MLIP: variants seen among roughly 807,000 people sequenced by gnomAD.
The protein encoded by MLIP is muscular LMNA-interacting protein.
MLIP carries 79 observed loss-of-function variants against 84.8 expected under a neutral mutation model. The ratio of observed to expected loss-of-function variants is 0.93; its 90% CI spans 0.78 to 1.12. The LOEUF (loss-of-function observed/expected upper bound fraction) is 1.12. Ranked by LOEUF, MLIP falls within the 50% of genes most tolerant of loss-of-function variation. The probability of loss-of-function intolerance (pLI) is 0.00; values close to 1 mark genes in which losing one functional copy is unlikely to be tolerated. For synonymous variants in MLIP, 504 were observed against 463.0 expected (o/e 1.09, Z -1.14); for missense variants, 1,257 against 1,160.6 (o/e 1.08, Z -1.21).
intron 1 of MLIP, among the ~76,000 whole-genome samples, chr6:54,039,227 G>A (rs1764609898): frequency 6.6e-6 from 1 of 151,856 alleles, no homozygotes; most frequent in South Asian, 2.1e-4. Flanking sequence ...TTTCATCTTG[G>A]TTTCCTGGGT....
intron 1 of MLIP, among the ~76,000 whole-genome samples, chr6:54,112,642 C>T (rs1392513462): frequency 6.7e-6 from 1 of 149,998 alleles, no homozygotes; most frequent in East Asian, 1.9e-4. Flanking sequence ...TCTGGAATCA[C>T]ATCATGTACT....
At chr6:54,255,718 G>T (rs1418541083) in intron 12 of MLIP, among the ~76,000 whole-genome samples, 1 of 152,076 alleles carries the variant, frequency 6.6e-6, no homozygotes, top group Non-Finnish European at 1.5e-5. Context: ...TATAACAGTA[G>T]GCATCACATA....
intron 4 of MLIP, among the ~76,000 whole-genome samples, chr6:54,146,758 C>G (rs1170961784): frequency 6.6e-6 from 1 of 152,146 alleles, no homozygotes; most frequent in East Asian, 1.9e-4. Context: ...TGTCTCTGTA[C>G]AGGCTTTCCC....
At chr6:54,080,976 A>G (rs1239057127) in intron 1 of MLIP, among the ~76,000 whole-genome samples, 1 of 152,044 alleles carries the variant, frequency 6.6e-6, no homozygotes, top group East Asian at 1.9e-4. Flanking sequence ...CTGACCTCAC[A>G]GAATTTTTTT....
intron 8 of MLIP, among the ~76,000 whole-genome samples, chr6:54,169,230 T>C (rs186897791): frequency 5.7e-4 from 87 of 151,794 alleles, no homozygotes; most frequent in African/African-American, 2.0e-3. Context: ...CAGAGATTTC[T>C]ACATGAATTT....
intron 5 of MLIP, among the ~76,000 whole-genome samples, chr6:54,158,006 G>A (rs1287784025): frequency 6.6e-6 from 1 of 152,054 alleles, no homozygotes; most frequent in Non-Finnish European, 1.5e-5. Context: ...TTAAAACATG[G>A]GATGGTAAAA....
At chr6:54,095,086 C>T (rs1768120246) in intron 1 of MLIP, among the ~76,000 whole-genome samples, 1 of 152,188 alleles carries the variant, frequency 6.6e-6, no homozygotes, top group African/African-American at 2.4e-5. Flanking sequence ...ATAGCCATCT[C>T]TTGAAGTAGC....
chr6:54,043,901 G>A (rs563066866), intron 1 of MLIP, among the ~76,000 whole-genome samples: 1 of 152,322 alleles, frequency 6.6e-6, no homozygotes, highest in African/African-American at 2.4e-5. Context: ...GAGCGAGATA[G>A]AGGTTTTCTC....
intron 11 of MLIP, among the ~76,000 whole-genome samples, chr6:54,229,029 T>A (rs1218460077): frequency 6.6e-6 from 1 of 152,248 alleles, no homozygotes; most frequent in African/African-American, 2.4e-5. Context: ...CTGACATGGC[T>A]TTCATTTCAT....
chr6:54,125,150 A>G (rs1036719097), intron 3 of MLIP, among the ~76,000 whole-genome samples: 5 of 152,210 alleles, frequency 3.3e-5, no homozygotes, highest in Non-Finnish European at 7.3e-5. Flanking sequence ...TTTCCTTTAA[A>G]TAATTCTTGG....
chr6:54,240,956 C>G (rs1011186413), intron 12 of MLIP, among the ~76,000 whole-genome samples: 1 of 151,950 alleles, frequency 6.6e-6, no homozygotes, highest in South Asian at 2.1e-4. Context: ...AGCCTGGCGA[C>G]AGAGTGAGAC....
chr6:54,210,215 G>T (rs1460243099), intron 11 of MLIP, among the ~76,000 whole-genome samples: 1 of 152,218 alleles, frequency 6.6e-6, no homozygotes. Flanking sequence ...TCCTACATAC[G>T]TTTCAGTTCT....
intron 4 of MLIP, among the ~76,000 whole-genome samples, chr6:54,140,938 CTT>C (rs890337027): frequency 2.0e-5 from 3 of 152,122 alleles, no homozygotes; most frequent in Admixed American, 6.6e-5. Context: ...GCACAGGACT[CTT>C]TTTGAAATCA....
chr6:54,105,792 T>C (rs148067354), intron 1 of MLIP, among the ~76,000 whole-genome samples: 42 of 152,144 alleles, frequency 2.8e-4, no homozygotes, highest in African/African-American at 9.4e-4. Context: ...GGAAGAACAT[T>C]GTGGAGAGTA....
intron 10 of MLIP, among the ~76,000 whole-genome samples, chr6:54,190,988 G>T (rs996882249): frequency 6.6e-5 from 10 of 151,612 alleles, no homozygotes; most frequent in Admixed American, 6.6e-4. Flanking sequence ...GTAGAGATGG[G>T]GTTTCACCAT....
At chr6:54,166,930 T>C (rs1472220385) in intron 8 of MLIP, among the ~76,000 whole-genome samples, 1 of 151,956 alleles carries the variant, frequency 6.6e-6, no homozygotes, top group African/African-American at 2.4e-5. Context: ...TGGTAGAATT[T>C]CGCTCTTTCA....
At chr6:54,123,303 T>A (rs1414920768) in intron 2 of MLIP, among the ~76,000 whole-genome samples, 1 of 152,010 alleles carries the variant, frequency 6.6e-6, no homozygotes, top group African/African-American at 2.4e-5. Context: ...TCCAACTGAA[T>A]AAAGACAATT....
At chr6:54,020,185 G>C (rs1763417352) in intron 1 of MLIP, among the ~76,000 whole-genome samples, 3 of 152,144 alleles carry the variant, frequency 2.0e-5, no homozygotes, top group Admixed American at 2.0e-4. Flanking sequence ...TAAGACCATG[G>C]TTTTGTTTAA....
chr6:54,142,902 A>G (rs983757814), intron 4 of MLIP, among the ~76,000 whole-genome samples: 1 of 151,482 alleles, frequency 6.6e-6, no homozygotes, highest in Non-Finnish European at 1.5e-5. Context: ...ACGTGAAATG[A>G]AAAAAACAAC....
Sources: gnomAD v4.1 joint callset for allele counts (sites outside exome capture counted in the v4.1 genomes callset) on GRCh38, gnomAD v4.1.1 for gene constraint, MANE v1.5 for transcripts, NCBI Gene and HGNC (gene_info 2026-07-23, HGNC 2026-07-21) for gene names.